Variants in ADAMTS8 observed in about 807,000 individuals in gnomAD.
ADAMTS8 encodes the protein ADAM metallopeptidase with thrombospondin type 1 motif 8.
Under a neutral mutation model 64.4 loss-of-function variants are expected in ADAMTS8, and 50 were observed. That is an observed-to-expected ratio of 0.78 (90% CI 0.62 to 0.98). The LOEUF (loss-of-function observed/expected upper bound fraction) is 0.98, where lower values mean the gene tolerates loss of function less well. ADAMTS8 is among the 50% of genes least tolerant of loss of function. The pLI is 0.00. For missense variants in ADAMTS8, 1,192 were observed against 1,208.2 expected, an observed-to-expected ratio of 0.99 and a Z score of 0.20; for synonymous variants, 556 against 533.6, an observed-to-expected ratio of 1.04 and a Z score of -0.58.
In ADAMTS8 at chr11:130,405,544, C is replaced by T. The variant is rs746458796; in HGVS notation, c.*14G>A. On this transcript the variant is annotated 3_prime_UTR_variant, in exon 9 of 9. Transcript: ENST00000257359. ...CATGTCCAGGAGCACAAGACTGGCC[C>T]CTGCCCCCCTGAATCACAGGGGGCA... 4 of 1,581,474 alleles carry T rather than the reference C, an allele frequency of 2.5e-6. No homozygotes were observed. The highest frequency in any genetic ancestry group is 2.6e-6 in the Non-Finnish European group (3 of 1,162,174).
In ADAMTS8 at chr11:130,414,594, GCA is replaced by G. The variant is rs1565376130; in HGVS notation, c.1501_1502del (p.Cys501ArgfsTer14). 6.2e-7 allele frequency: 1 copy of G among 1,613,040 alleles called. No individual in the cohort carries two copies. The highest frequency in any genetic ancestry group is 1.3e-5 in the African/African-American group (1 of 74,934). On this transcript the variant is annotated frameshift_variant, in exon 5 of 9. Coordinates refer to ENST00000257359, the MANE Select transcript of ADAMTS8 (RefSeq NM_007037.6). LOFTEE classifies it high-confidence loss of function. ...CTTCTGAGCAGAGGTGCCCAGGCCC[GCA>G]CGGCGTGCCGTCAGCCCAGGGCAGG... ...GSLPWADGTP[C>X]GPGHLCSEGS...
chr11:130,415,048 T>C (rs997116533), intron 4 of ADAMTS8, among the ~76,000 whole-genome samples: 1 of 152,220 alleles, frequency 6.6e-6, no homozygotes, highest in African/African-American at 2.4e-5. Flanking sequence ...TTTGCTGTCC[T>C]GAACATCTAG....
In ADAMTS8 at chr11:130,411,638, G is replaced by T. The variant is rs1382248330; in HGVS notation, c.1567-38C>A. 2 of 1,605,398 alleles carry T rather than the reference G, an allele frequency of 1.2e-6. No homozygotes were observed. The highest frequency in any genetic ancestry group is 3.4e-5 in the Admixed American group (2 of 59,636). ...ATGGCACACTGAATGAGGAGCAAAG[G>T]CCAGGAGGCTTCAGTATCTGTGTCA... is the stretch of plus-strand genomic sequence containing the variant. On this transcript the variant is annotated intron_variant, in intron 5 of 8. Transcript: ENST00000257359. This position sits in a 1 kb window ranked among gnomAD's most constrained non-coding sequence, Gnocchi z 4.2.
At position 130,428,488 on chromosome 11, in the gene ADAMTS8, C is replaced by T; in HGVS notation, c.-202G>A. 1 of 978,372 alleles carries T rather than the reference C, an allele frequency of 1.0e-6. No homozygotes were observed. The highest frequency in any genetic ancestry group is 1.2e-6 in the Non-Finnish European group (1 of 822,318). 60.6% of individuals were successfully genotyped at this position (978,372 alleles called of 1,614,324 possible). A position where few individuals can be genotyped will look rare whatever the true frequency, so the allele number is the denominator to read the frequency against. ...TGGCTGGCGCAGCCCGCTCCTCCCG[C>T]GCCGCCGCCCCCGAGCCGAGCGCGA... On this transcript the variant is annotated 5_prime_UTR_variant, in exon 1 of 9. Transcript: ENST00000257359.
chr11:130,409,240 C>A (rs1592128618), intron 6 of ADAMTS8, among the ~76,000 whole-genome samples: 1 of 152,166 alleles, frequency 6.6e-6, no homozygotes, highest in Admixed American at 6.5e-5. Context: ...CAACAGGGAA[C>A]AATTCAGTAA....
chr11:130,428,021 CG>C lies in ADAMTS8; in HGVS notation c.265del (p.Arg89GlyfsTer18). ...CAGCCCCCGCTCGCCCCCGGTCGCCCGGCCGGAGCCCCCGAGGCGCTCGATC... is the reference window on the plus strand; with the variant it reads ...CAGCCCCCGCTCGCCCCCGGTCGCCCGCCGGAGCCCCCGAGGCGCTCGATC... Reference protein sequence around the residue: ...FKIERLGGSGRATGGERGLRG... With the variant: ...FKIERLGGSGXATGGERGLRG... On this transcript the variant is annotated frameshift_variant, in exon 1 of 9. Transcript: ENST00000257359. LOFTEE classifies it high-confidence loss of function. 3 of 1,526,100 alleles carry C rather than the reference CG, an allele frequency of 2.0e-6. No homozygotes were observed. The Middle Eastern group carries it at 5.5e-4, about 282-fold the overall frequency. The allele number at this position is 1,526,100 out of a possible 1,614,324, so 94.5% of individuals were successfully genotyped here.
chr11:130,419,098 G>C lies in ADAMTS8; in HGVS notation c.915C>G (p.Asp305Glu), dbSNP rs1862065430. 6.2e-7 allele frequency: 1 copy of C among 1,614,058 alleles called. No individual in the cohort carries two copies. The highest frequency in any genetic ancestry group is 8.5e-7 in the Non-Finnish European group (1 of 1,180,046). The change falls in exon 2 of 9, where the codon GAC becomes GAG. Residue 305 changes from aspartate to glutamate, a missense_variant. By Grantham distance (45) the Asp-to-Glu change is conservative (BLOSUM62 2). This residue lies in a region of ADAMTS8 where 741 missense variants were observed against 710.6 expected (regional missense o/e 1.04). Transcript: ENST00000257359. ...NWQRRFNQPS[D>E]RHPEHYDTAI... Reference sequence around the variant, plus strand: ...CCGTGTCGTAGTGCTCTGGGTGGCGGTCGCTGGGCTGGTTGAAACGCCGCT... The same window carrying C: ...CCGTGTCGTAGTGCTCTGGGTGGCGCTCGCTGGGCTGGTTGAAACGCCGCT...
chr11:130,408,678 A>G, intron 7 of ADAMTS8, 39 bp from the exon 8 acceptor site: 1 of 1,612,176 alleles, frequency 6.2e-7, no homozygotes, highest in East Asian at 2.2e-5. Context: ...GGGCGTGTTG[A>G]GCACAGAAGC....
In ADAMTS8 at chr11:130,427,819, G is replaced by A. The variant is rs1343532987; in HGVS notation, c.468C>T (p.Ala156=). 3.2e-6 allele frequency: 5 copies of A among 1,559,076 alleles called. No individual in the cohort carries two copies. Among genetic ancestry groups the A allele is most frequent in the South Asian group, 1.2e-5 (1 of 85,180 alleles). The change falls in exon 1 of 9, where the codon GCC becomes GCT. Residue 156 remains alanine (A), a synonymous_variant. Transcript: ENST00000257359. ...QPHRLQRWGP[A]GARPLPRGPE... Reference sequence around the variant, plus strand: ...GTCCTCGCGGGAGGGGGCGGGCTCCGGCGGGACCCCAGCGCTGCAGGCGGT... The same window carrying A: ...GTCCTCGCGGGAGGGGGCGGGCTCCAGCGGGACCCCAGCGCTGCAGGCGGT...
intron 8 of ADAMTS8, among the ~76,000 whole-genome samples, chr11:130,407,331 A>T (rs1045976530): frequency 6.6e-6 from 1 of 152,152 alleles, no homozygotes; most frequent in Non-Finnish European, 1.5e-5. Context: ...GTGCCACCGC[A>T]CTCCAGCCTA....
chr11:130,405,581 C>G lies in ADAMTS8; in HGVS notation c.2647G>C (p.Glu883Gln). ...AATCACAGGGGGCACAGCTGGCTTT[C>G]GCAGGGCTTGGCATCCTCGGGTTTC... ...ALKPEDAKPCESQLCPL is the reference protein window; with the variant it reads ...ALKPEDAKPCQSQLCPL Residue 883 changes from glutamate (E) to glutamine (Q), a missense_variant, in exon 9 of 9, where the codon GAA becomes CAA. Around this residue, in one of 5 missense-constraint regions of ADAMTS8, gnomAD observed 147 missense variants for 154.1 expected, o/e 0.95. Transcript: ENST00000257359. 1 of 1,606,958 alleles carries G rather than the reference C, an allele frequency of 6.2e-7. No homozygotes were observed.
At chr11:130,418,559 G>A (rs1310139202) in intron 2 of ADAMTS8, among the ~76,000 whole-genome samples, 1 of 152,254 alleles carries the variant, frequency 6.6e-6, no homozygotes, top group African/African-American at 2.4e-5. Flanking sequence ...GGGCCTGCCC[G>A]ATGGGGCCCT....
chr11:130,407,151 T>G (rs2134672196), intron 8 of ADAMTS8, among the ~76,000 whole-genome samples: 1 of 152,302 alleles, frequency 6.6e-6, no homozygotes. Context: ...GCGGATCACT[T>G]GATGCCAGGA....
rs763877653 is a variant in ADAMTS8, at chr11:130,405,905, G to A, written c.2323C>T (p.Arg775Cys). The A allele has an allele frequency of 1.1e-5, 18 of 1,613,902 alleles. No individual in the cohort carries two copies. Among genetic ancestry groups the A allele is most frequent in the African/African-American group, 4.0e-5 (3 of 74,948 alleles). ...GGCAAGGGCCGGAAGCTCTGCAGGC[G>A]CTCCAGGGTGGCGATGGAGCCGCTG... is the stretch of plus-strand genomic sequence containing the variant. ...KYSGSIATLERLQSFRPLPEP... is the reference protein window; with the variant it reads ...KYSGSIATLECLQSFRPLPEP... The change falls in exon 9 of 9, where the codon CGC becomes TGC. Residue 775 changes from arginine to cysteine, a missense_variant. By Grantham distance (180) the Arg-to-Cys change is radical. Coordinates refer to ENST00000257359, the MANE Select transcript of ADAMTS8 (RefSeq NM_007037.6).
chr11:130,419,419 T>A (rs1862071631), intron 1 of ADAMTS8, 127 bp from the exon 2 acceptor site: 1 of 1,323,802 alleles, frequency 7.6e-7, no homozygotes, highest in Non-Finnish European at 1.0e-6. Flanking sequence ...AGCCTCACAA[T>A]ACCCCCGAGG....
chr11:130,427,602 C>G lies in ADAMTS8; in HGVS notation c.685G>C (p.Ala229Pro). ...GCCCCGTAGAAGGCAGCCATGGACG[C>G]ATCGGCCACCAGCAGCGTCTCCACG... ...RFVETLLVAD[A>P]SMAAFYGADL... The change falls in exon 1 of 9, where the codon GCG becomes CCG. Residue 229 changes from alanine to proline, a missense_variant. By Grantham distance (27) the Ala-to-Pro change is conservative (BLOSUM62 -1). This residue lies in a region of ADAMTS8 where 741 missense variants were observed against 710.6 expected (regional missense o/e 1.04). Transcript: ENST00000257359. The G allele has an allele frequency of 1.9e-6, 3 of 1,544,800 alleles. No individual in the cohort carries two copies. The highest frequency in any genetic ancestry group is 2.6e-6 in the Non-Finnish European group (3 of 1,148,600).
At chr11:130,406,183 C>T (rs1044950105) in intron 8 of ADAMTS8, 55 bp from the exon 9 acceptor site, 137 of 1,552,896 alleles carry the variant, frequency 8.8e-5, no homozygotes, top group Non-Finnish European at 1.1e-4. Flanking sequence ...GCCCAGGTCA[C>T]GATGATGCCT....
In ADAMTS8 at chr11:130,419,147, G is replaced by C; in HGVS notation, c.866C>G (p.Thr289Arg). 6.2e-7 allele frequency: 1 copy of C among 1,614,202 alleles called. No homozygotes were observed. The highest frequency in any genetic ancestry group is 8.5e-7 in the Non-Finnish European group (1 of 1,180,052). The change falls in exon 2 of 9, where the codon ACA becomes AGA. Residue 289 changes from threonine (T) to arginine (R), a missense_variant. Physicochemically the swap from Thr to Arg is moderately conservative, Grantham distance 71 (BLOSUM62 -1). Around this residue, in one of 5 missense-constraint regions of ADAMTS8, gnomAD observed 741 missense variants for 710.6 expected, o/e 1.04. Transcript: ENST00000257359. Reference protein sequence around the residue: ...GPEVSDNGGLTLRNFCNWQRR... With the variant: ...GPEVSDNGGLRLRNFCNWQRR... ...CTGCCAGTTGCAGAAGTTACGCAGT[G>C]TAAGCCCCCCATTGTCGGACACCTC... is the stretch of plus-strand genomic sequence containing the variant.
Position 130,416,311 on chromosome 11 carries a change from G to C in ADAMTS8, c.1116C>G (p.Pro372=). 6.4e-7 allele frequency: 1 copy of C among 1,568,930 alleles called. No homozygotes were observed. Among genetic ancestry groups the C allele is most frequent in the Non-Finnish European group, 8.6e-7 (1 of 1,157,432 alleles). ...AHELGHVLSM[P]HDDSKPCTRL... ...GTGTGCAGGGCTTGGAGTCGTCGTG[G>C]GGCATGCTGAGGACGTGCCCTGGGG... The change falls in exon 4 of 9, where the codon CCC becomes CCG. Residue 372 remains proline, a synonymous_variant. Transcript: ENST00000257359. The surrounding 1 kb of genome is among the most constrained non-coding windows in gnomAD (Gnocchi z 4.8).
Sources: allele counts gnomAD v4.1 joint callset (sites outside exome capture counted in the v4.1 genomes callset), GRCh38; gene constraint gnomAD v4.1.1; regional missense constraint gnomAD v4.1.1; non-coding constraint Gnocchi (gnomAD v3.1); transcripts MANE v1.5; gene names NCBI Gene and HGNC (gene_info 2026-07-23, HGNC 2026-07-21).